Variants in APOBEC1 observed in about 807,000 individuals in gnomAD.
The protein encoded by APOBEC1 is C->U-editing enzyme APOBEC-1.
In APOBEC1, 22 loss-of-function variants were observed where a neutral mutation model predicts 26.3. That is an observed-to-expected ratio of 0.84 (90% CI 0.60 to 1.19). The LOEUF is 1.19. Among genes scored for constraint, APOBEC1 ranks in the 50% most tolerant of loss-of-function variants. APOBEC1 has a pLI of 0.00. For missense variants in APOBEC1, 253 were observed against 289.0 expected, an observed-to-expected ratio of 0.88 and a Z score of 0.90; for synonymous variants, 77 against 95.3, an observed-to-expected ratio of 0.81 and a Z score of 1.12.
intron 4 of APOBEC1, 26 bp downstream of exon 4, chr12:7,650,997 A>G (rs2136836624): frequency 6.6e-7 from 1 of 1,508,894 alleles, no homozygotes; most frequent in Non-Finnish European, 9.1e-7. Flanking sequence ...TTTTGCATCA[A>G]CATTTGTGTC....
chr12:7,650,789 T>C (rs927104044), intron 4 of APOBEC1, among the ~76,000 whole-genome samples: 4 of 152,186 alleles, frequency 2.6e-5, no homozygotes, highest in African/African-American at 9.7e-5. Context: ...ATTGGCGTGA[T>C]CATAGCTCAC....
At chr12:7,661,323 C>T (rs772408296) in intron 1 of APOBEC1, among the ~76,000 whole-genome samples, 21 of 151,472 alleles carry the variant, frequency 1.4e-4, no homozygotes, top group Non-Finnish European at 2.8e-4. Context: ...TTCACTATCT[C>T]GGTAGCAGAG....
rs199730066 is a variant in APOBEC1, at chr12:7,652,565, A to C, written c.315T>G (p.Ser105Arg). 1.9e-4 allele frequency: 300 copies of C among 1,614,094 alleles called. No individual in the cohort carries two copies. The highest frequency in any genetic ancestry group is 5.9e-6 in the Non-Finnish European group (7 of 1,180,038). The change falls in exon 3 of 5, where the codon AGT (serine) becomes AGG (arginine). Residue 105 changes from serine (S) to arginine (R), a missense_variant. Transcript: ENST00000229304. The part of the protein sequence containing the change: ...ECSQAIREFL[S>R]RHPGVTLVIY... Reference sequence around the variant, plus strand: ...TCACTAGAGTCACACCAGGGTGCCGACTCAGAAACTCTCTAATAGCCTGGG... The same window carrying C: ...TCACTAGAGTCACACCAGGGTGCCGCCTCAGAAACTCTCTAATAGCCTGGG...
upstream of APOBEC1, among the ~76,000 whole-genome samples, chr12:7,669,596 G>A (rs775152979): frequency 6.0e-4 from 91 of 152,032 alleles, no homozygotes; most frequent in Non-Finnish European, 9.3e-4. Context: ...TATAGGGACA[G>A]GGTCTCACTA....
intron 1 of APOBEC1, among the ~76,000 whole-genome samples, chr12:7,659,373 T>TCACACACACACA (rs147840833): frequency 1.8e-5 from 2 of 114,086 alleles, no homozygotes; most frequent in Non-Finnish European, 3.3e-5. Context: ...AATTTAAAAA[T>TCACACACACACA]CACACACACA....
rs927079859 is a variant in APOBEC1, at chr12:7,654,503, G to A, written c.44+102C>T. ...CCTCCTACTCCTGCCTCAGCCTCCT[G>A]AGTAGCTGGGATTATAGGCGCATGT... On this transcript the variant is annotated intron_variant, in intron 2 of 4. Coordinates refer to ENST00000229304, the MANE Select transcript of APOBEC1 (RefSeq NM_001644.5). 8.1e-6 allele frequency: 10 copies of A among 1,227,222 alleles called. No individual in the cohort carries two copies. The East Asian group carries it at 1.9e-4, about 23-fold the overall frequency. The allele number at this position is 1,227,222 out of a possible 1,614,324, so 76.0% of individuals were successfully genotyped here.
chr12:7,653,744 A>G (rs1863678589), intron 2 of APOBEC1, among the ~76,000 whole-genome samples: 1 of 152,206 alleles, frequency 6.6e-6, no homozygotes, highest in African/African-American at 2.4e-5. Flanking sequence ...ATTGCCAACA[A>G]GATTGTATTG....
At chr12:7,667,910 T>TAAAAAAA (rs766377169), upstream of APOBEC1, among the ~76,000 whole-genome samples, 1 of 65,838 alleles carries the variant, frequency 1.5e-5, no homozygotes. Context: ...AGACTACGTC[T>TAAAAAAA]AAAAAAAAAA....
chr12:7,659,294 CAAAAAAAAAAA>C (rs1163730869), intron 1 of APOBEC1, among the ~76,000 whole-genome samples: 20 of 16,524 alleles, frequency 1.2e-3, no homozygotes, highest in South Asian at 4.9e-3. Context: ...AACTCCCTCT[CAAAAAAAAAAA>C]AAAAAAAAAA....
At chr12:7,655,519 A>G (rs1863701627) in intron 1 of APOBEC1, among the ~76,000 whole-genome samples, 1 of 152,096 alleles carries the variant, frequency 6.6e-6, no homozygotes, top group African/African-American at 2.4e-5. Flanking sequence ...CTTAAAAAAA[A>G]AAAAAGAAAG....
At chr12:7,663,441 G>T (rs1342199310) in intron 1 of APOBEC1, among the ~76,000 whole-genome samples, 1 of 152,156 alleles carries the variant, frequency 6.6e-6, no homozygotes, top group African/African-American at 2.4e-5. Flanking sequence ...TTTAAAGGAG[G>T]AATGGGGGAT....
At chr12:7,656,726 G>A (rs2136844632) in intron 1 of APOBEC1, among the ~76,000 whole-genome samples, 1 of 152,284 alleles carries the variant, frequency 6.6e-6, no homozygotes, top group East Asian at 1.9e-4. Context: ...CCACAAGGTT[G>A]TCGGAAGACT....
intron 1 of APOBEC1, among the ~76,000 whole-genome samples, chr12:7,663,122 C>A (rs1011609800): frequency 1.3e-5 from 2 of 152,130 alleles, no homozygotes; most frequent in African/African-American, 4.8e-5. Context: ...CGCTCCTGGC[C>A]AAACCTTAAC....
chr12:7,667,910 TAAAAAAAAAAAGAA>T (rs1863912815), upstream of APOBEC1, among the ~76,000 whole-genome samples: 2 of 65,838 alleles, frequency 3.0e-5, no homozygotes, highest in African/African-American at 1.0e-4. Flanking sequence ...AGACTACGTC[TAAAAAAAAAAAGAA>T]AAAAAAAAAA....
intron 4 of APOBEC1, 88 bp from the exon 5 acceptor site, chr12:7,649,784 G>T: frequency 9.2e-7 from 1 of 1,082,826 alleles, no homozygotes; most frequent in Non-Finnish European, 1.3e-6. Context: ...AATGTCAGTT[G>T]GAAGACGATT....
At chr12:7,665,440 G>A (rs1034170206) in intron 1 of APOBEC1, among the ~76,000 whole-genome samples, 65 of 152,004 alleles carry the variant, frequency 4.3e-4, no homozygotes, top group African/African-American at 1.4e-3. Flanking sequence ...TGGGACTACA[G>A]GCATGCGCCA....
At chr12:7,668,682 A>G (rs765828601), upstream of APOBEC1, among the ~76,000 whole-genome samples, 19 of 152,092 alleles carry the variant, frequency 1.2e-4, no homozygotes, top group South Asian at 3.7e-3. Context: ...TTATGTAACT[A>G]CTCCAGTCAA....
intron 1 of APOBEC1, among the ~76,000 whole-genome samples, chr12:7,662,439 C>A (rs142624594): frequency 1.3e-5 from 2 of 151,858 alleles, no homozygotes; most frequent in African/African-American, 4.8e-5. Flanking sequence ...AAAAATTAGC[C>A]GGGCATGTTG....
At chr12:7,667,044 A>G (rs1011923860), upstream of APOBEC1, among the ~76,000 whole-genome samples, 2 of 151,428 alleles carry the variant, frequency 1.3e-5, no homozygotes, top group Non-Finnish European at 2.9e-5. Context: ...CCCAAGTAGC[A>G]GGGATTACAG....
Sources: gnomAD v4.1 joint callset for allele counts (sites outside exome capture counted in the v4.1 genomes callset) on GRCh38, gnomAD v4.1.1 for gene constraint, MANE v1.5 for transcripts, NCBI Gene and HGNC (gene_info 2026-07-23, HGNC 2026-07-21) for gene names.